Variants in ADAMTS20 observed in about 807,000 individuals in gnomAD.
The protein encoded by ADAMTS20 is ADAM metallopeptidase with thrombospondin type 1 motif 20.
A neutral mutation model predicts 260.1 loss-of-function variants in ADAMTS20; 225 were observed. The ratio of observed to expected loss-of-function variants is 0.87; its 90% CI spans 0.78 to 0.97. ADAMTS20 has a LOEUF of 0.97. Ranked by LOEUF, ADAMTS20 falls within the 50% of genes least tolerant of loss-of-function variation. The pLI, the probability that ADAMTS20 is intolerant of heterozygous loss-of-function variation, is 0.00. For missense variants in ADAMTS20, 2,400 were observed against 2,337.7 expected, an observed-to-expected ratio of 1.03 and a Z score of -0.55; for synonymous variants, 802 against 769.5, an observed-to-expected ratio of 1.04 and a Z score of -0.70.
intron 22 of ADAMTS20, 21 bp from the exon 23 acceptor site, chr12:43,430,492 T>C (rs1941421824): frequency 1.3e-6 from 2 of 1,595,036 alleles, no homozygotes; most frequent in East Asian, 4.5e-5. Context: ...AATATAGATA[T>C]TAAAAAAACA....
chr12:43,468,850 A>C, intron 7 of ADAMTS20, 145 bp from the exon 8 acceptor site: 1 of 508,070 alleles, frequency 2.0e-6, no homozygotes, highest in South Asian at 3.1e-5. Context: ...AACGTTTTAA[A>C]AGGTGAAAAA....
intron 19 of ADAMTS20, chr12:43,433,634 T>C (rs7298430): frequency 0.19 from 41,551 of 217,504 alleles, 4,713 homozygotes; most frequent in African/African-American, 0.31. Flanking sequence ...TGTATAAATA[T>C]GATAGATGGA....
intron 37 of ADAMTS20, among the ~76,000 whole-genome samples, chr12:43,364,676 A>G (rs1249120433): frequency 6.6e-6 from 1 of 152,130 alleles, no homozygotes; most frequent in African/African-American, 2.4e-5. Context: ...TGAAGAACAG[A>G]GAGGAAAAAA....
intron 14 of ADAMTS20, among the ~76,000 whole-genome samples, chr12:43,451,294 G>C (rs1403074601): frequency 6.6e-6 from 1 of 151,926 alleles, no homozygotes; most frequent in Non-Finnish European, 1.5e-5. Context: ...TCTCAAACTC[G>C]CCATCCATTC....
chr12:43,360,790 G>A (rs952808867), intron 37 of ADAMTS20, among the ~76,000 whole-genome samples: 13 of 152,108 alleles, frequency 8.5e-5, no homozygotes, highest in African/African-American at 3.1e-4. Flanking sequence ...CAATGTAATC[G>A]AAAGGGTAGA....
chr12:43,427,130 G>A (rs557778612), intron 27 of ADAMTS20, among the ~76,000 whole-genome samples, 178 bp downstream of exon 27: 2 of 152,070 alleles, frequency 1.3e-5, no homozygotes, highest in South Asian at 2.1e-4. Flanking sequence ...TCGAGATCAC[G>A]ACACTGCATT....
At chr12:43,452,488 T>A (rs1445185592) in intron 13 of ADAMTS20, 26 bp downstream of exon 13, 1 of 1,605,088 alleles carries the variant, frequency 6.2e-7, no homozygotes, top group Non-Finnish European at 8.5e-7. Context: ...AAAATTTACA[T>A]CAAAGAACCA....
intron 3 of ADAMTS20, among the ~76,000 whole-genome samples, chr12:43,511,211 C>G (rs10880515): frequency 0.11 from 16,350 of 151,998 alleles, 1,275 homozygotes; most frequent in East Asian, 0.46. Flanking sequence ...ACGGAGTCTC[C>G]CAAATGTTCC....
At chr12:43,359,991 T>C (rs1428528354) in intron 37 of ADAMTS20, among the ~76,000 whole-genome samples, 1 of 152,204 alleles carries the variant, frequency 6.6e-6, no homozygotes, top group Non-Finnish European at 1.5e-5. Flanking sequence ...AATTTGACTT[T>C]ATTAAAATTG....
intron 18 of ADAMTS20, among the ~76,000 whole-genome samples, chr12:43,438,997 A>G (rs913078184): frequency 6.6e-6 from 1 of 152,226 alleles, no homozygotes; most frequent in Non-Finnish European, 1.5e-5. Context: ...TAATCTGAGC[A>G]TATTCCCTCA....
chr12:43,549,406 G>T (rs1259920666), intron 2 of ADAMTS20, among the ~76,000 whole-genome samples: 1 of 151,808 alleles, frequency 6.6e-6, no homozygotes, highest in East Asian at 1.9e-4. Flanking sequence ...TCAAAAAGAG[G>T]ATATTGATCA....
intron 37 of ADAMTS20, among the ~76,000 whole-genome samples, chr12:43,358,629 G>T (rs1274322080): frequency 6.6e-6 from 1 of 151,756 alleles, no homozygotes; most frequent in Non-Finnish European, 1.5e-5. Context: ...ACGAGGTCAG[G>T]AGATCGAGAC....
At chr12:43,361,025 ATTTAC>A (rs1317690325) in intron 37 of ADAMTS20, among the ~76,000 whole-genome samples, 5 of 152,360 alleles carry the variant, frequency 3.3e-5, no homozygotes, top group South Asian at 2.1e-4. Flanking sequence ...AGTGCAAAAC[ATTTAC>A]TTTACTTTAC....
chr12:43,394,196 ACG>A (rs2137243917), intron 29 of ADAMTS20, among the ~76,000 whole-genome samples: 1 of 152,250 alleles, frequency 6.6e-6, no homozygotes, highest in East Asian at 1.9e-4. Context: ...ATTTTGTTAT[ACG>A]AAAAATAAAA....
At chr12:43,357,287 A>G (rs1021346698) in intron 37 of ADAMTS20, among the ~76,000 whole-genome samples, 2 of 152,230 alleles carry the variant, frequency 1.3e-5, no homozygotes, top group African/African-American at 4.8e-5. Flanking sequence ...TCTACTGACA[A>G]TGTTCAGTAG....
intron 38 of ADAMTS20, among the ~76,000 whole-genome samples, chr12:43,356,220 C>T (rs954020058): frequency 6.6e-6 from 1 of 152,148 alleles, no homozygotes; most frequent in African/African-American, 2.4e-5. Flanking sequence ...TATGTCCTGG[C>T]ATTTGGCAAT....
chr12:43,499,697 G>A (rs930781207), intron 4 of ADAMTS20, among the ~76,000 whole-genome samples: 5 of 151,920 alleles, frequency 3.3e-5, no homozygotes, highest in African/African-American at 9.7e-5. Context: ...TAGAGACAGG[G>A]TTTCACCATG....
intron 11 of ADAMTS20, among the ~76,000 whole-genome samples, chr12:43,462,632 A>G (rs1404044211): frequency 6.6e-6 from 1 of 152,222 alleles, no homozygotes; most frequent in Non-Finnish European, 1.5e-5. Flanking sequence ...GTTATAATAT[A>G]CATAGATAAC....
intron 2 of ADAMTS20, among the ~76,000 whole-genome samples, chr12:43,549,721 T>C (rs1437152796): frequency 6.6e-6 from 1 of 152,170 alleles, no homozygotes; most frequent in Admixed American, 6.5e-5. Flanking sequence ...GCCATTGTGA[T>C]GTTGCAAATA....
Sources: allele counts gnomAD v4.1 joint callset (sites outside exome capture counted in the v4.1 genomes callset), GRCh38; gene constraint gnomAD v4.1.1; transcripts MANE v1.5; gene names NCBI Gene and HGNC (gene_info 2026-07-23, HGNC 2026-07-21).